Variants in MMP26 observed in about 807,000 individuals in gnomAD.
MMP26 encodes the protein matrix metallopeptidase 26.
Under a neutral mutation model 31.0 loss-of-function variants are expected in MMP26, and 33 were observed. The ratio of observed to expected loss-of-function variants is 1.06; its 90% CI spans 0.81 to 1.42. MMP26 has a LOEUF of 1.42. MMP26 is among the 40% of genes most tolerant of loss of function. The pLI, the probability that MMP26 is intolerant of heterozygous loss-of-function variation, is 0.00. For missense variants in MMP26, 347 were observed against 316.1 expected, an observed-to-expected ratio of 1.10 and a Z score of -0.74; for synonymous variants, 122 against 114.9, an observed-to-expected ratio of 1.06 and a Z score of -0.40.
At chr11:4,782,028 G>T (rs896873307) in intron 2 of MMP26, among the ~76,000 whole-genome samples, 3 of 152,066 alleles carry the variant, frequency 2.0e-5, no homozygotes, top group Non-Finnish European at 2.9e-5. Flanking sequence ...CTCAGTCTTG[G>T]GTATGTCTTT....
rs576318481 is a variant in MMP26 at position 4,964,733 on chromosome 11, C to A, written c.-144-23335C>A. ...TACATACACACCATGGAATACTATG[C>A]AGCTGTAAAATGAATGAGATCATGT... On this transcript the variant is annotated intron_variant, in intron 2 of 7. Coordinates refer to ENST00000380390, the MANE Select transcript of MMP26 (RefSeq NM_021801.5). Among the ~76,000 whole-genome samples the A allele has an allele frequency of 9.2e-5, 14 of 152,244 alleles. No homozygotes were observed. In the South Asian group the frequency reaches 1.2e-3, roughly 14 times the overall value.
intron 2 of MMP26, among the ~76,000 whole-genome samples, chr11:4,977,519 T>A (rs1290832400): frequency 6.6e-6 from 1 of 152,078 alleles, no homozygotes; most frequent in Non-Finnish European, 1.5e-5. Flanking sequence ...GACTCAAATG[T>A]GACCTGTCAG....
At chr11:4,705,080 T>A in intron 1 of MMP26, 35 bp downstream of exon 1, 1 of 152,152 alleles carries the variant, frequency 6.6e-6, no homozygotes, top group East Asian at 1.9e-4. Context: ...CAGTTATAAA[T>A]AAATTAGGTA....
intron 2 of MMP26, among the ~76,000 whole-genome samples, chr11:4,772,299 G>T (rs1848736427): frequency 6.6e-6 from 1 of 152,162 alleles, no homozygotes; most frequent in South Asian, 2.1e-4. Flanking sequence ...TAGCATTGGG[G>T]AATAGAGAGA....
At chr11:4,903,396 T>C (rs1850832044) in intron 2 of MMP26, among the ~76,000 whole-genome samples, 1 of 152,178 alleles carries the variant, frequency 6.6e-6, no homozygotes, top group African/African-American at 2.4e-5. Context: ...TATAGATTAC[T>C]ATCTCCATTT....
intron 2 of MMP26, among the ~76,000 whole-genome samples, chr11:4,838,769 G>C (rs189307052): frequency 1.6e-4 from 24 of 152,112 alleles, no homozygotes; most frequent in African/African-American, 5.3e-4. Flanking sequence ...GGAATAGAAG[G>C]CTCCACCAAT....
chr11:4,838,570 G>A (rs1849752807), intron 2 of MMP26, among the ~76,000 whole-genome samples: 2 of 151,864 alleles, frequency 1.3e-5, no homozygotes, highest in Admixed American at 6.6e-5. Context: ...ATACTCACTC[G>A]TAGAAAACAG....
chr11:4,920,209 G>A (rs1161803508), intron 2 of MMP26, among the ~76,000 whole-genome samples: 1 of 152,060 alleles, frequency 6.6e-6, no homozygotes, highest in African/African-American at 2.4e-5. Flanking sequence ...AGAAACCTAA[G>A]CCTTCTTCTC....
intron 2 of MMP26, among the ~76,000 whole-genome samples, chr11:4,858,911 A>C (rs150618291): frequency 0.17 from 26,466 of 152,182 alleles, 2,920 homozygotes; most frequent in East Asian, 0.32. Flanking sequence ...CCTCAGAATT[A>C]ATACCACACA....
chr11:4,870,264 AGTAATAGAAAAGACTGCTTAT>A (rs1405817460), intron 2 of MMP26, among the ~76,000 whole-genome samples: 4 of 152,088 alleles, frequency 2.6e-5, no homozygotes, highest in Non-Finnish European at 5.9e-5. Flanking sequence ...ATAGATATTG[AGTAATAGAAAAGACTGCTTAT>A]GTAAATAATG....
chr11:4,716,744 C>T (rs1847937410), intron 1 of MMP26, among the ~76,000 whole-genome samples: 1 of 138,290 alleles, frequency 7.2e-6, no homozygotes. Flanking sequence ...TCATTGCAAC[C>T]TCCACTTCCC....
At chr11:4,991,846 G>T in intron 6 of MMP26, 118 bp from the exon 7 acceptor site, 1 of 960,474 alleles carries the variant, frequency 1.0e-6, no homozygotes, top group Non-Finnish European at 1.5e-6. Flanking sequence ...CCTTTACCCT[G>T]TAACATTTGC....
At chr11:4,942,896 A>G (rs1185950998) in intron 2 of MMP26, 1 of 152,268 alleles carries the variant, frequency 6.6e-6, no homozygotes, top group Non-Finnish European at 1.5e-5. Flanking sequence ...ATTGTACACA[A>G]TTCAATATAT....
At chr11:4,858,306 T>A in intron 2 of MMP26, among the ~76,000 whole-genome samples, 1 of 152,166 alleles carries the variant, frequency 6.6e-6, no homozygotes, top group East Asian at 1.9e-4. Context: ...GCAGATGACA[T>A]GATTGCATAT....
intron 2 of MMP26, among the ~76,000 whole-genome samples, chr11:4,906,133 A>G (rs1850884453): frequency 6.6e-6 from 1 of 152,350 alleles, no homozygotes; most frequent in South Asian, 2.1e-4. Flanking sequence ...AGTGTGAACC[A>G]TAAGTGTTTA....
intron 2 of MMP26, among the ~76,000 whole-genome samples, chr11:4,966,399 G>A (rs1846595362): frequency 6.6e-6 from 1 of 152,156 alleles, no homozygotes; most frequent in Non-Finnish European, 1.5e-5. Flanking sequence ...AGGGTGATCA[G>A]GCATCATCGG....
At position 4,886,355 on chromosome 11, in the gene MMP26, G is replaced by T. The variant is rs180982414; in HGVS notation, c.-144-101713G>T. 7.9e-5 allele frequency among the ~76,000 whole-genome samples: 12 copies of T among 152,080 alleles called. No individual in the cohort carries two copies. In the East Asian group the frequency reaches 2.3e-3, roughly 29 times the overall value. On this transcript the variant is annotated intron_variant, in intron 2 of 7. Transcript: ENST00000380390. Reference sequence around the variant, plus strand: ...ATTCTTAGAAAAGTCATTAAACTTCGTAAGTCTTTAACTTCCTAACCCAGA... The same window carrying T: ...ATTCTTAGAAAAGTCATTAAACTTCTTAAGTCTTTAACTTCCTAACCCAGA...
At chr11:4,854,631 TG>T (rs1343255001) in intron 2 of MMP26, among the ~76,000 whole-genome samples, 11 of 152,316 alleles carry the variant, frequency 7.2e-5, no homozygotes, top group Admixed American at 2.6e-4. Flanking sequence ...ATTCCACCTC[TG>T]GGGGCAGGTC....
At chr11:4,789,754 A>C (rs1262092551) in intron 2 of MMP26, among the ~76,000 whole-genome samples, 1 of 151,210 alleles carries the variant, frequency 6.6e-6, no homozygotes, top group Admixed American at 6.6e-5. Flanking sequence ...GTTAGCCAGG[A>C]TGGTGTCGAT....
Sources: allele counts gnomAD v4.1 joint callset (sites outside exome capture counted in the v4.1 genomes callset), GRCh38; gene constraint gnomAD v4.1.1; transcripts MANE v1.5; gene names NCBI Gene and HGNC (gene_info 2026-07-23, HGNC 2026-07-21).